SGCD: variants seen among roughly 807,000 people sequenced by gnomAD.
SGCD encodes sarcoglycan delta.
In SGCD, 18 loss-of-function variants were observed where a neutral mutation model predicts 36.6. The ratio of observed to expected loss-of-function variants is 0.49; its 90% CI spans 0.34 to 0.73. The LOEUF is 0.73. Ranked by LOEUF, SGCD falls within the 30% of genes least tolerant of loss-of-function variation. SGCD has a pLI of 0.01. For synonymous variants in SGCD, 133 were observed against 130.6 expected (o/e 1.02, Z -0.12); for missense variants, 387 against 346.7 (o/e 1.12, Z -0.92).
intron 3 of SGCD, among the ~76,000 whole-genome samples, chr5:156,180,126 C>T (rs1763566699): frequency 6.6e-6 from 1 of 152,212 alleles, no homozygotes; most frequent in African/African-American, 2.4e-5. Flanking sequence ...CTTCAGTTTT[C>T]ACCTCTATGA....
intron 3 of SGCD, among the ~76,000 whole-genome samples, chr5:156,428,924 A>G (rs937371073): frequency 6.6e-6 from 1 of 152,036 alleles, no homozygotes; most frequent in Non-Finnish European, 1.5e-5. Flanking sequence ...TGATTTTCTT[A>G]AATTTATTGA....
At chr5:156,032,018 A>G (rs1003456043) in intron 1 of SGCD, among the ~76,000 whole-genome samples, 1 of 152,222 alleles carries the variant, frequency 6.6e-6, no homozygotes, top group Non-Finnish European at 1.5e-5. Flanking sequence ...CTATAAATCT[A>G]CAATTCAGTG....
intron 3 of SGCD, among the ~76,000 whole-genome samples, chr5:156,445,409 A>G (rs1753718666): frequency 6.6e-6 from 1 of 152,156 alleles, no homozygotes; most frequent in Non-Finnish European, 1.5e-5. Context: ...TTTGAAGTGT[A>G]TTTATTTAAT....
intron 2 of SGCD, among the ~76,000 whole-genome samples, chr5:156,336,757 A>C (rs920503450): frequency 2.0e-5 from 3 of 152,248 alleles, no homozygotes; most frequent in Admixed American, 6.5e-5. Context: ...GGGAGGCTGA[A>C]GGTATGAATG....
intron 7 of SGCD, among the ~76,000 whole-genome samples, chr5:156,746,131 C>T (rs200262918): frequency 2.6e-4 from 39 of 149,796 alleles, no homozygotes; most frequent in Non-Finnish European, 4.0e-4. Context: ...AAGGAGTAGG[C>T]GAGAAAAAAA....
chr5:156,675,096 T>C (rs2113668156), intron 7 of SGCD, among the ~76,000 whole-genome samples: 1 of 152,310 alleles, frequency 6.6e-6, no homozygotes, highest in South Asian at 2.1e-4. Flanking sequence ...CTGTGGAGTC[T>C]GACTGCTGGA....
intron 3 of SGCD, among the ~76,000 whole-genome samples, chr5:156,310,517 G>A (rs1767364435): frequency 6.6e-6 from 1 of 152,160 alleles, no homozygotes; most frequent in African/African-American, 2.4e-5. Context: ...GTTAAGAGCT[G>A]AAATTGACCA....
chr5:156,468,494 A>G (rs1754812352), intron 3 of SGCD, among the ~76,000 whole-genome samples: 1 of 152,166 alleles, frequency 6.6e-6, no homozygotes, highest in Admixed American at 6.6e-5. Flanking sequence ...AGTAGAAATA[A>G]TTATTGCTGG....
intron 3 of SGCD, among the ~76,000 whole-genome samples, chr5:156,423,673 C>T (rs1343101886): frequency 2.0e-5 from 3 of 151,480 alleles, no homozygotes; most frequent in Non-Finnish European, 4.4e-5. Context: ...AGAATAGACC[C>T]AAGATCCAAT....
At chr5:156,183,082 C>A (rs1197439077) in intron 3 of SGCD, among the ~76,000 whole-genome samples, 1 of 152,100 alleles carries the variant, frequency 6.6e-6, no homozygotes, top group Non-Finnish European at 1.5e-5. Flanking sequence ...GAGTTCAAGA[C>A]CAGCCTGGCC....
the SGCD span, among the ~76,000 whole-genome samples, chr5:155,732,278 A>G: frequency 6.6e-6 from 1 of 152,214 alleles, no homozygotes; most frequent in Non-Finnish European, 1.5e-5. Flanking sequence ...GAAATTATAT[A>G]ATGTGTCTCA....
chr5:156,046,134 G>T (rs1759759575), intron 1 of SGCD, among the ~76,000 whole-genome samples: 1 of 152,088 alleles, frequency 6.6e-6, no homozygotes, highest in South Asian at 2.1e-4. Context: ...TTTTGCTCCA[G>T]TCCAGCTATA....
intron 1 of SGCD, among the ~76,000 whole-genome samples, chr5:155,924,631 A>G (rs1031149821): frequency 6.6e-6 from 1 of 152,224 alleles, no homozygotes; most frequent in Non-Finnish European, 1.5e-5. Flanking sequence ...GTTTCAAACA[A>G]TAGTAGCTAT....
intron 6 of SGCD, among the ~76,000 whole-genome samples, chr5:156,641,889 AC>A (rs1422216168): frequency 6.4e-4 from 97 of 152,044 alleles, no homozygotes; most frequent in African/African-American, 2.3e-3. Context: ...CTCTTTATTC[AC>A]CCTTGCCTTC....
At chr5:155,985,270 C>A (rs1348337409) in intron 1 of SGCD, among the ~76,000 whole-genome samples, 1 of 152,154 alleles carries the variant, frequency 6.6e-6, no homozygotes, top group Non-Finnish European at 1.5e-5. Flanking sequence ...TCATCTGCTT[C>A]TAGGCCCATT....
chr5:156,257,958 G>C (rs996810274), intron 3 of SGCD, among the ~76,000 whole-genome samples: 3 of 152,058 alleles, frequency 2.0e-5, no homozygotes, highest in Non-Finnish European at 4.4e-5. Context: ...TTCATCTTTT[G>C]AATAATATGT....
At chr5:155,912,432 G>T (rs138144221) in intron 1 of SGCD, among the ~76,000 whole-genome samples, 213 of 152,170 alleles carry the variant, frequency 1.4e-3, no homozygotes, top group African/African-American at 4.7e-3. Context: ...TTAATGATTT[G>T]TGCTTCCTAT....
At chr5:156,067,997 T>C (rs1437222649) in intron 1 of SGCD, among the ~76,000 whole-genome samples, 1 of 151,990 alleles carries the variant, frequency 6.6e-6, no homozygotes, top group Non-Finnish European at 1.5e-5. Flanking sequence ...GGCAAAATTC[T>C]TTCTTTAGAA....
intron 3 of SGCD, among the ~76,000 whole-genome samples, chr5:156,249,324 C>T (rs192071120): frequency 4.3e-4 from 66 of 152,078 alleles, no homozygotes; most frequent in African/African-American, 1.5e-3. Flanking sequence ...TGAGAGTGTT[C>T]AATTAGGGGA....
Sources: gnomAD v4.1 joint callset for allele counts (sites outside exome capture counted in the v4.1 genomes callset) on GRCh38, gnomAD v4.1.1 for gene constraint, MANE v1.5 for transcripts, NCBI Gene and HGNC (gene_info 2026-07-23, HGNC 2026-07-21) for gene names.